Variants in CEP76 observed in about 807,000 individuals in gnomAD.
The protein encoded by CEP76 is centrosomal protein of 76 kDa.
A neutral mutation model predicts 83.3 loss-of-function variants in CEP76; 55 were observed. The observed-to-expected ratio is 0.66, with a 90% CI of 0.53 to 0.83. The LOEUF (loss-of-function observed/expected upper bound fraction) is 0.83. CEP76 is among the 40% of genes least tolerant of loss of function. CEP76 has a pLI of 0.00. For missense variants in CEP76, 694 were observed against 799.5 expected (o/e 0.87, Z 1.59); for synonymous variants, 270 against 274.5 (o/e 0.98, Z 0.16).
chr18:12,696,189 C>T (rs926551180), intron 5 of CEP76, among the ~76,000 whole-genome samples: 1 of 152,126 alleles, frequency 6.6e-6, no homozygotes, highest in South Asian at 2.1e-4. Context: ...AAGAAAAATA[C>T]ATTCTTGGTA....
At chr18:12,686,627 C>T (rs1346535747) in intron 7 of CEP76, 177 bp from the exon 8 acceptor site, 1 of 455,164 alleles carries the variant, frequency 2.2e-6, no homozygotes, top group South Asian at 2.8e-5. Context: ...TCCTCATCTC[C>T]GTTATTTTCA....
At chr18:12,681,913 T>C (rs1475767188) in intron 8 of CEP76, among the ~76,000 whole-genome samples, 1 of 151,754 alleles carries the variant, frequency 6.6e-6, no homozygotes, top group African/African-American at 2.4e-5. Context: ...GGAGAATCGC[T>C]TGAACCTGGG....
At chr18:12,674,352 G>C (rs928663573) in intron 11 of CEP76, among the ~76,000 whole-genome samples, 184 bp downstream of exon 11, 7 of 151,560 alleles carry the variant, frequency 4.6e-5, no homozygotes, top group Admixed American at 3.3e-4. Flanking sequence ...TGAGGTGGAA[G>C]GGTCACTTGG....
chr18:12,665,855 C>G (rs2038791344), intron 12 of CEP76, among the ~76,000 whole-genome samples: 1 of 152,140 alleles, frequency 6.6e-6, no homozygotes, highest in Non-Finnish European at 1.5e-5. Context: ...CGCCACCACA[C>G]CCAGCTAATT....
chr18:12,690,058 G>T (rs2039695654), intron 7 of CEP76, among the ~76,000 whole-genome samples: 1 of 151,402 alleles, frequency 6.6e-6, no homozygotes. Context: ...CCAAGTGCTG[G>T]GATTACAGGC....
intron 1 of CEP76, among the ~76,000 whole-genome samples, chr18:12,701,400 G>A (rs1485777883): frequency 6.6e-6 from 1 of 152,116 alleles, no homozygotes; most frequent in Non-Finnish European, 1.5e-5. Flanking sequence ...CTGGGAGTAG[G>A]CAGATCAAAG....
chr18:12,675,248 G>C (rs897967237), intron 10 of CEP76, among the ~76,000 whole-genome samples: 1 of 151,918 alleles, frequency 6.6e-6, no homozygotes, highest in African/African-American at 2.4e-5. Context: ...TACAAAAAAT[G>C]AGTTGGGCGT....
At chr18:12,671,263 C>T (rs2038935148), downstream of CEP76, 1 of 151,972 alleles carries the variant, frequency 6.6e-6, no homozygotes, top group South Asian at 2.1e-4. Context: ...AATTTTAAGA[C>T]ACTTTTAGAT....
downstream of CEP76, among the ~76,000 whole-genome samples, chr18:12,668,597 C>CAAAAAAAAAAAAAAAAAAAAAAAAAAAA (rs752216074): frequency 1.4e-5 from 1 of 72,836 alleles, no homozygotes; most frequent in Non-Finnish European, 2.4e-5. Context: ...GATTCCATCT[C>CAAAAAAAAAAAAAAAAAAAAAAAAAAAA]AAAAAAAAAA....
intron 7 of CEP76, among the ~76,000 whole-genome samples, chr18:12,690,707 G>A (rs1004348370): frequency 6.6e-6 from 1 of 151,930 alleles, no homozygotes; most frequent in African/African-American, 2.4e-5. Flanking sequence ...CACCCACCTC[G>A]GCCTCCCCAA....
chr18:12,672,437 CT>C (rs1410944029), downstream of CEP76, among the ~76,000 whole-genome samples: 6 of 152,054 alleles, frequency 3.9e-5, no homozygotes, highest in African/African-American at 1.4e-4. Flanking sequence ...TTAAAACGTG[CT>C]CAATTTTAAA....
At chr18:12,687,488 C>A (rs184922318) in intron 7 of CEP76, among the ~76,000 whole-genome samples, 69 of 146,224 alleles carry the variant, frequency 4.7e-4, no homozygotes, top group African/African-American at 1.7e-3. Context: ...CAGAGTCTCG[C>A]TGTTGTCCAG....
At chr18:12,679,225 G>C (rs1024708588) in intron 9 of CEP76, 1 of 152,196 alleles carries the variant, frequency 6.6e-6, no homozygotes, top group Non-Finnish European at 1.5e-5. Flanking sequence ...CATGAAGAAA[G>C]AAGTGAGACA....
At position 12,697,299 on chromosome 18, in the gene CEP76, T is replaced by G. The variant is rs146647843; in HGVS notation, c.630A>C (p.Ser210=). The part of the protein sequence containing the change: ...DIFGETTLVA[S]YFLEWRSVLG... The stretch of plus-strand genomic sequence containing the variant: ...AAACCGATCGCCATTCCAGAAAATA[T>G]GATGCTACTAAAGTCGTCTCACCAA... Residue 210 remains serine (S), a synonymous_variant, in exon 5 of 12, where the codon TCA becomes TCC. Coordinates refer to ENST00000262127, the MANE Select transcript of CEP76 (RefSeq NM_024899.4). 1.0e-3 allele frequency: 1,691 copies of G among 1,614,044 alleles called. 9 individuals are homozygous for G. Among genetic ancestry groups the G allele is most frequent in the East Asian group, 2.5e-3 (112 of 44,864 alleles).
At chr18:12,671,783 G>A (rs1042312598), downstream of CEP76, among the ~76,000 whole-genome samples, 12 of 151,402 alleles carry the variant, frequency 7.9e-5, no homozygotes, top group Admixed American at 7.9e-4. Context: ...TTGGATTATG[G>A]GTGTGTGACA....
chr18:12,680,809 G>A lies in CEP76; in HGVS notation c.1142C>T (p.Ala381Val). The A allele has an allele frequency of 6.2e-7, 1 of 1,610,534 alleles. No individual in the cohort carries two copies. The highest frequency in any genetic ancestry group is 1.1e-5 in the South Asian group (1 of 90,216). The change falls in exon 9 of 12, where the codon GCT becomes GTT. Residue 381 changes from alanine (A) to valine (V), a missense_variant. Transcript: ENST00000262127. ...AAGAAGAAGGCTGCACAGAAGGTTA[G>A]CGTGATCTTCACAGTCACCCTGGAA... ...CRNKGDCEDHANLLCSLLLGY... is the reference protein window; with the variant it reads ...CRNKGDCEDHVNLLCSLLLGY...
At chr18:12,676,048 A>C (rs951237965) in intron 10 of CEP76, among the ~76,000 whole-genome samples, 1 of 152,150 alleles carries the variant, frequency 6.6e-6, no homozygotes, top group Non-Finnish European at 1.5e-5. Context: ...ACAAATACAA[A>C]AAATTCTCAA....
Position 12,699,880 on chromosome 18 carries a change from G to T in CEP76, c.245C>A (p.Ser82Tyr). ...AAAACAAATAGGTTGTTTTGGAGAG[G>T]AAGGGAGTTCTTGCTCAACACTGTC... ...VTDSVEQELPSSPKQPICFDR... is the reference protein window; with the variant it reads ...VTDSVEQELPYSPKQPICFDR... The change falls in exon 3 of 12, where the codon TCC (serine) becomes TAC (tyrosine). Residue 82 changes from serine (S) to tyrosine (Y), a missense_variant. Physicochemically the swap from Ser to Tyr is moderately radical, Grantham distance 144. Transcript: ENST00000262127. 1 of 1,597,652 alleles carries T rather than the reference G, an allele frequency of 6.3e-7. No homozygotes were observed. The highest frequency in any genetic ancestry group is 1.1e-5 in the South Asian group (1 of 87,812).
intron 8 of CEP76, 193 bp downstream of exon 8, chr18:12,686,069 T>C (rs2039530457): frequency 2.1e-6 from 1 of 472,338 alleles, no homozygotes; most frequent in Admixed American, 3.7e-5. Context: ...TTTGTACTAT[T>C]TTTTATTATT....
Sources: allele counts gnomAD v4.1 joint callset (sites outside exome capture counted in the v4.1 genomes callset), GRCh38; gene constraint gnomAD v4.1.1; transcripts MANE v1.5; gene names NCBI Gene and HGNC (gene_info 2026-07-23, HGNC 2026-07-21).